CCDC69: variants seen among roughly 807,000 people sequenced by gnomAD.
CCDC69 encodes the protein coiled-coil domain containing 69, also known as coiled-coil domain-containing protein 69.
CCDC69 carries 38 observed loss-of-function variants against 40.3 expected under a neutral mutation model. The ratio of observed to expected loss-of-function variants is 0.94; its 90% CI spans 0.73 to 1.24. The LOEUF (loss-of-function observed/expected upper bound fraction) is 1.24, where lower values mean the gene tolerates loss of function less well. CCDC69 is among the 50% of genes most tolerant of loss of function. The pLI is 0.00. For synonymous variants in CCDC69, 141 were observed against 138.9 expected (o/e 1.02, Z -0.11); for missense variants, 389 against 357.9 (o/e 1.09, Z -0.70).
intron 1 of CCDC69, among the ~76,000 whole-genome samples, chr5:151,213,084 C>G (rs1393772788): frequency 2.0e-5 from 3 of 152,100 alleles, no homozygotes; most frequent in Non-Finnish European, 4.4e-5. Context: ...CTCTGGTAAG[C>G]ATAAAGAAAT....
At chr5:151,204,710 C>T (rs1436004854) in intron 2 of CCDC69, among the ~76,000 whole-genome samples, 3 of 152,044 alleles carry the variant, frequency 2.0e-5, no homozygotes, top group South Asian at 2.1e-4. Flanking sequence ...GTACCATGGA[C>T]ATTTCAAAGA....
chr5:151,207,116 G>A (rs897883143), intron 1 of CCDC69, among the ~76,000 whole-genome samples: 5 of 151,786 alleles, frequency 3.3e-5, no homozygotes, highest in African/African-American at 1.2e-4. Flanking sequence ...ATGGGGTTTC[G>A]CCATGTTGGC....
Position 151,183,271 on chromosome 5 carries a change from G to T in CCDC69, c.*166C>A. 1 of 809,734 alleles carries T rather than the reference G, an allele frequency of 1.2e-6. No homozygotes were observed. Among genetic ancestry groups the T allele is most frequent in the Non-Finnish European group, 2.1e-6 (1 of 473,494 alleles). 50.2% of individuals were successfully genotyped at this position (809,734 alleles called of 1,614,324 possible). A position where few individuals can be genotyped will look rare whatever the true frequency, so the allele number is the denominator to read the frequency against. On this transcript the variant is annotated 3_prime_UTR_variant, in exon 9 of 9. Transcript: ENST00000355417. ...TCCAAAACCCTGTGGGTGATTCCATGTAACTCAAGGCCCCAGGGCTCACTG... is the reference window on the plus strand; with the variant it reads ...TCCAAAACCCTGTGGGTGATTCCATTTAACTCAAGGCCCCAGGGCTCACTG...
intron 1 of CCDC69, among the ~76,000 whole-genome samples, chr5:151,217,389 G>T (rs574197319): frequency 6.6e-6 from 1 of 152,194 alleles, no homozygotes; most frequent in Non-Finnish European, 1.5e-5. Context: ...TGTCATTTTT[G>T]ATTGCTGGCA....
chr5:151,194,903 A>C (rs1752675909), intron 4 of CCDC69, among the ~76,000 whole-genome samples: 1 of 151,584 alleles, frequency 6.6e-6, no homozygotes, highest in African/African-American at 2.4e-5. Flanking sequence ...AAAAAAAAAA[A>C]AAAAAAAAGA....
chr5:151,212,023 G>A (rs1032924167), intron 1 of CCDC69: 1 of 151,156 alleles, frequency 6.6e-6, no homozygotes, highest in African/African-American at 2.4e-5. Flanking sequence ...GTGGTGGGGG[G>A]GGGAGTTGGG....
At chr5:151,207,544 G>A (rs1404832927) in intron 1 of CCDC69, among the ~76,000 whole-genome samples, 3 of 151,950 alleles carry the variant, frequency 2.0e-5, no homozygotes, top group Non-Finnish European at 2.9e-5. Flanking sequence ...ACCCACCTTG[G>A]CCTCCCAAAG....
At chr5:151,192,303 GA>G (rs1158944206) in intron 4 of CCDC69, among the ~76,000 whole-genome samples, 1 of 151,518 alleles carries the variant, frequency 6.6e-6, no homozygotes, top group Admixed American at 6.6e-5. Context: ...GACTGACAAA[GA>G]AAAGAGAGAA....
chr5:151,219,155 C>A (rs1753098017), intron 1 of CCDC69, among the ~76,000 whole-genome samples: 2 of 152,182 alleles, frequency 1.3e-5, no homozygotes, highest in Admixed American at 1.3e-4. Flanking sequence ...CTGAGTGCTG[C>A]AGAGGCAGCT....
chr5:151,204,253 T>C (rs1420895756), intron 2 of CCDC69, among the ~76,000 whole-genome samples: 2 of 152,202 alleles, frequency 1.3e-5, no homozygotes, highest in African/African-American at 2.4e-5. Context: ...CAGTCTGATC[T>C]TGAACTCTTG....
chr5:151,185,652 C>A, intron 6 of CCDC69, 111 bp from the exon 7 acceptor site: 2 of 1,146,296 alleles, frequency 1.7e-6, no homozygotes, highest in Non-Finnish European at 2.6e-6. Flanking sequence ...CCTCTCTCAG[C>A]CCATGTTAAG....
At chr5:151,215,457 T>C in intron 1 of CCDC69, 1 of 207,680 alleles carries the variant, frequency 4.8e-6, no homozygotes, top group South Asian at 4.6e-5. Context: ...TGAGGTCATC[T>C]TGCTATCTCA....
intron 1 of CCDC69, among the ~76,000 whole-genome samples, chr5:151,208,863 T>C (rs1198963460): frequency 6.6e-6 from 1 of 152,098 alleles, no homozygotes; most frequent in African/African-American, 2.4e-5. Flanking sequence ...CTCTGTGAGG[T>C]GGGGATGAGG....
chr5:151,210,129 T>C (rs1378896366), intron 1 of CCDC69, among the ~76,000 whole-genome samples: 1 of 152,266 alleles, frequency 6.6e-6, no homozygotes, highest in East Asian at 1.9e-4. Context: ...CATTAACTAT[T>C]CTGCAAATGT....
chr5:151,206,257 G>T (rs1040703960), intron 1 of CCDC69, among the ~76,000 whole-genome samples: 1 of 152,206 alleles, frequency 6.6e-6, no homozygotes. Context: ...GGGAGAAAGG[G>T]AGGGAGCTTC....
chr5:151,222,256 T>TGG lies in CCDC69; in HGVS notation c.48+1666_48+1667insCC, dbSNP rs1753144655. Among the ~76,000 whole-genome samples, 4 of 152,358 alleles carry TGG rather than the reference T, an allele frequency of 2.6e-5. No homozygotes were observed. In the South Asian group the frequency reaches 8.3e-4, roughly 32 times the overall value. ...GTAGTACCCAAAGGCCCTTTCCAAC[T>TGG]CAGACAGGCTGTGCCAGCTTTACTT... On this transcript the variant is annotated intron_variant, in intron 1 of 8. Coordinates refer to ENST00000355417, the MANE Select transcript of CCDC69 (RefSeq NM_015621.3).
Position 151,185,525 on chromosome 5 carries a change from C to T in CCDC69, c.512G>A (p.Ser171Asn). Residue 171 changes from serine (S) to asparagine (N), a missense_variant, in exon 7 of 9, where the codon AGC (serine) becomes AAC (asparagine). Coordinates refer to ENST00000355417, the MANE Select transcript of CCDC69 (RefSeq NM_015621.3). ...CTCCAGCTCCTGCTCCCAGAACTGGCTGGGGCTCCCATAATCCTAGACAGG... is the reference window on the plus strand; with the variant it reads ...CTCCAGCTCCTGCTCCCAGAACTGGTTGGGGCTCCCATAATCCTAGACAGG... ...KKHIQDYGSP[S>N]QFWEQELESL... The T allele has an allele frequency of 6.2e-7, 1 of 1,613,984 alleles. No homozygotes were observed. Among genetic ancestry groups the T allele is most frequent in the Non-Finnish European group, 8.5e-7 (1 of 1,179,894 alleles).
Position 151,201,590 on chromosome 5 carries a change from C to T in CCDC69, c.223G>A (p.Ala75Thr). The change falls in exon 3 of 9, where the codon GCA becomes ACA. Residue 75 changes from alanine (A) to threonine (T), a missense_variant. Coordinates refer to ENST00000355417, the MANE Select transcript of CCDC69 (RefSeq NM_015621.3). ...QQHEEEKKKW[A>T]QQVEKERELE... ...GGGGCACCTGGACTTACCTGTTGTG[C>T]CCATTTCTTCTTTTCCTCCTCATGT... 6.2e-7 allele frequency: 1 copy of T among 1,611,128 alleles called. No individual in the cohort carries two copies. The highest frequency in any genetic ancestry group is 8.5e-7 in the Non-Finnish European group (1 of 1,177,706).
Position 151,183,257 on chromosome 5 carries a change from G to A in CCDC69, c.*180C>T. ...CGCTTCTCGGGGCCTCCAAAACCCT[G>A]TGGGTGATTCCATGTAACTCAAGGC... On this transcript the variant is annotated 3_prime_UTR_variant, in exon 9 of 9. Coordinates refer to ENST00000355417, the MANE Select transcript of CCDC69 (RefSeq NM_015621.3). The A allele has an allele frequency of 1.3e-6, 1 of 763,936 alleles. No individual in the cohort carries two copies. The highest frequency in any genetic ancestry group is 2.3e-6 in the Non-Finnish European group (1 of 433,728). 47.3% of individuals were successfully genotyped at this position (763,936 alleles called of 1,614,324 possible).
Sources: allele counts gnomAD v4.1 joint callset (sites outside exome capture counted in the v4.1 genomes callset), GRCh38; gene constraint gnomAD v4.1.1; transcripts MANE v1.5; gene names NCBI Gene and HGNC (gene_info 2026-07-23, HGNC 2026-07-21).